Variants in GASK1B observed in about 807,000 individuals in gnomAD.
The protein encoded by GASK1B is Golgi-associated kinase 1B.
A neutral mutation model predicts 42.8 loss-of-function variants in GASK1B; 34 were observed. The ratio of observed to expected loss-of-function variants is 0.79; its 90% confidence interval spans 0.60 to 1.06. The LOEUF is 1.06. Among genes scored for constraint, GASK1B ranks in the 50% least tolerant of loss-of-function variants. GASK1B has a pLI of 0.00. For synonymous variants in GASK1B, 262 were observed against 259.1 expected, an observed-to-expected ratio of 1.01 and a Z score of -0.11; for missense variants, 686 against 661.0, an observed-to-expected ratio of 1.04 and a Z score of -0.42.
intron 3 of GASK1B, among the ~76,000 whole-genome samples, chr4:158,136,505 A>T (rs1730898529): frequency 6.6e-6 from 1 of 152,216 alleles, no homozygotes; most frequent in Admixed American, 6.5e-5. Context: ...AACTAAAGGA[A>T]ACACAGGCAG....
chr4:158,132,797 T>C (rs1730731393), intron 3 of GASK1B, among the ~76,000 whole-genome samples: 1 of 152,104 alleles, frequency 6.6e-6, no homozygotes, highest in Non-Finnish European at 1.5e-5. Flanking sequence ...TCAAGATTGG[T>C]TCCAAGCCAC....
chr4:158,142,299 A>G (rs1731169462), intron 3 of GASK1B, among the ~76,000 whole-genome samples: 1 of 152,224 alleles, frequency 6.6e-6, no homozygotes, highest in South Asian at 2.1e-4. Context: ...CACACTGTAG[A>G]ACATTCAAAG....
chr4:158,154,687 T>A (rs963922631), intron 3 of GASK1B, among the ~76,000 whole-genome samples: 2 of 152,220 alleles, frequency 1.3e-5, no homozygotes, highest in African/African-American at 2.4e-5. Flanking sequence ...TAAAGAGGTA[T>A]GAAATAATGG....
At position 158,172,946 on chromosome 4, in the gene GASK1B, A is replaced by G. The variant is rs1005156640; in HGVS notation, c.-303T>C. On this transcript the variant is annotated 5_prime_UTR_variant, in exon 1 of 5. Coordinates refer to ENST00000585682, the MANE Select transcript of GASK1B (RefSeq NM_001128424.2). Reference sequence around the variant, plus strand: ...CTAGAAGTTCAGAAAAAAAGGTAAGAAAGAGTTAATATAAATGAGGAGAAA... The same window carrying G: ...CTAGAAGTTCAGAAAAAAAGGTAAGGAAGAGTTAATATAAATGAGGAGAAA... 3 of 152,256 alleles carry G rather than the reference A, an allele frequency of 2.0e-5. No homozygotes were observed. The highest frequency in any genetic ancestry group is 7.2e-5 in the African/African-American group (3 of 41,456). 9.4% of individuals were successfully genotyped at this position (152,256 alleles called of 1,614,324 possible).
chr4:158,159,328 T>C (rs1030193147), intron 2 of GASK1B, among the ~76,000 whole-genome samples: 1 of 152,112 alleles, frequency 6.6e-6, no homozygotes. Flanking sequence ...TATACGTGTG[T>C]GTGGCCCTTG....
At chr4:158,146,851 G>A (rs921397636) in intron 3 of GASK1B, among the ~76,000 whole-genome samples, 14 of 152,158 alleles carry the variant, frequency 9.2e-5, no homozygotes, top group African/African-American at 3.1e-4. Context: ...CATCCTAATG[G>A]AGGTGAATTT....
At chr4:158,155,228 C>G (rs576083824) in intron 3 of GASK1B, among the ~76,000 whole-genome samples, 2 of 152,180 alleles carry the variant, frequency 1.3e-5, no homozygotes, top group African/African-American at 4.8e-5. Context: ...TGAAAGAAAT[C>G]AAAGTATTTT....
At chr4:158,155,895 T>C (rs1731742305) in intron 2 of GASK1B, 70 bp from the exon 3 acceptor site, 1 of 1,255,758 alleles carries the variant, frequency 8.0e-7, no homozygotes, top group Non-Finnish European at 1.1e-6. Context: ...GAGCAGGTCG[T>C]TCACTCTTTC....
chr4:158,154,256 CAT>C (rs1731673325), intron 3 of GASK1B, among the ~76,000 whole-genome samples: 1 of 151,006 alleles, frequency 6.6e-6, no homozygotes, highest in African/African-American at 2.4e-5. Flanking sequence ...GGTCAACAAA[CAT>C]ATGAAAAAAT....
Position 158,171,167 on chromosome 4 carries a change from G to A in GASK1B, c.209C>T (p.Pro70Leu). Residue 70 changes from proline to leucine, a missense_variant, in exon 2 of 5, where the codon CCA becomes CTA. Physicochemically the swap from Pro to Leu is moderately conservative, Grantham distance 98. Coordinates refer to ENST00000585682, the MANE Select transcript of GASK1B (RefSeq NM_001128424.2). The stretch of plus-strand genomic sequence containing the variant: ...CTCGGCGGTGTCGCGGCTGCGATGT[G>A]GCCCCTTCTCAGCCGCCTGTCCATG... ...LQHGQAAEKG[P>L]HRSRDTAEPS... 1.2e-6 allele frequency: 2 copies of A among 1,611,280 alleles called. No homozygotes were observed. Among genetic ancestry groups the A allele is most frequent in the East Asian group, 2.2e-5 (1 of 44,774 alleles).
chr4:158,127,658 A>G, intron 4 of GASK1B, 44 bp from the exon 5 acceptor site: 1 of 1,530,428 alleles, frequency 6.5e-7, no homozygotes, highest in Non-Finnish European at 8.9e-7. Context: ...ATTGCTTGGG[A>G]ATAGTACTCC....
chr4:158,147,553 T>C (rs545868465), intron 3 of GASK1B, among the ~76,000 whole-genome samples: 1 of 150,026 alleles, frequency 6.7e-6, no homozygotes, highest in South Asian at 2.1e-4. Context: ...CAGTGAGCTA[T>C]GATCATGTCA....
chr4:158,132,596 T>C (rs1730724545), intron 3 of GASK1B, among the ~76,000 whole-genome samples: 1 of 152,232 alleles, frequency 6.6e-6, no homozygotes, highest in Admixed American at 6.5e-5. Context: ...CTCTGTTTAC[T>C]GTATGTAAAT....
intron 3 of GASK1B, among the ~76,000 whole-genome samples, chr4:158,144,153 G>C (rs1731244037): frequency 6.6e-6 from 1 of 152,044 alleles, no homozygotes; most frequent in Admixed American, 6.5e-5. Flanking sequence ...ACACATCATA[G>C]GTGCCCAATA....
rs148829450 is a variant in GASK1B at position 158,151,507 on chromosome 4, C to A, written c.1125+4104G>T. 5.4e-3 allele frequency among the ~76,000 whole-genome samples: 823 copies of A among 152,246 alleles called. 22 individuals carry two copies. The highest frequency in any genetic ancestry group is 0.043 in the Admixed American group (655 of 15,290). ...AAATGGGGTAAGACTATTCCTCATA[C>A]CTCAATAAATGGTAGCTATGATGAG... On this transcript the variant is annotated intron_variant, in intron 3 of 4. Transcript: ENST00000585682.
chr4:158,157,099 T>C (rs1408331166), intron 2 of GASK1B, among the ~76,000 whole-genome samples: 1 of 152,144 alleles, frequency 6.6e-6, no homozygotes, highest in Non-Finnish European at 1.5e-5. Context: ...TTTGGTGTTA[T>C]ACTAACCTTA....
At chr4:158,146,810 C>T (rs1731347789) in intron 3 of GASK1B, among the ~76,000 whole-genome samples, 1 of 152,178 alleles carries the variant, frequency 6.6e-6, no homozygotes, top group South Asian at 2.1e-4. Flanking sequence ...ATCTTGGAGA[C>T]TCAAACACTC....
chr4:158,145,665 G>T (rs1193442991), intron 3 of GASK1B, among the ~76,000 whole-genome samples: 1 of 151,834 alleles, frequency 6.6e-6, no homozygotes, highest in African/African-American at 2.4e-5. Flanking sequence ...TTTAATTATG[G>T]CACCTGCTAT....
At position 158,171,518 on chromosome 4, in the gene GASK1B, G is replaced by T; in HGVS notation, c.-143C>A. ...CAGTGGGCAGAGGTGGAAGGAAAGG[G>T]TTGGTGATGAAGCTGGGAATGTTTC... On this transcript the variant is annotated 5_prime_UTR_variant, in exon 2 of 5. Coordinates refer to ENST00000585682, the MANE Select transcript of GASK1B (RefSeq NM_001128424.2). The T allele has an allele frequency of 1.2e-6, 1 of 807,472 alleles. No individual in the cohort carries two copies. Among genetic ancestry groups the T allele is most frequent in the Non-Finnish European group, 1.8e-6 (1 of 550,960 alleles). The allele number at this position is 807,472 out of a possible 1,614,324, so 50.0% of individuals were successfully genotyped here.
Sources: gnomAD v4.1 joint callset for allele counts (sites outside exome capture counted in the v4.1 genomes callset) on GRCh38, gnomAD v4.1.1 for gene constraint, MANE v1.5 for transcripts, NCBI Gene and HGNC (gene_info 2026-07-23, HGNC 2026-07-21) for gene names.